Variants in MORN1 observed in about 807,000 individuals in gnomAD.
The protein encoded by MORN1 is MORN repeat containing 1, also known as MORN repeat-containing protein 1.
MORN1 carries 67 observed loss-of-function variants against 61.9 expected under a neutral mutation model. The observed-to-expected ratio is 1.08, with a 90% CI of 0.89 to 1.33. The LOEUF (loss-of-function observed/expected upper bound fraction) is 1.33, where lower values mean the gene tolerates loss of function less well. Among genes scored for constraint, MORN1 ranks in the 40% most tolerant of loss-of-function variants. The pLI is 0.00. For synonymous variants in MORN1, 301 were observed against 292.0 expected (o/e 1.03, Z -0.31); for missense variants, 752 against 691.2 (o/e 1.09, Z -0.99).
At chr1:2,359,882 CAA>C (rs59233224) in intron 8 of MORN1, among the ~76,000 whole-genome samples, 2 of 136,468 alleles carry the variant, frequency 1.5e-5, no homozygotes, top group Non-Finnish European at 1.6e-5. Context: ...GACTCCGTCT[CAA>C]AAAAAAAAAA....
rs1339354919 is a variant in MORN1, at chr1:2,391,458, CGTTCCGGGGCGGCCGCCTAGGCGG to C, written c.52_75del (p.Pro18_Asn25del). 2.7e-5 allele frequency: 34 copies of C among 1,255,456 alleles called. No individual in the cohort carries two copies. The highest frequency in any genetic ancestry group is 4.2e-5 in the Admixed American group (1 of 23,778). 77.8% of individuals were successfully genotyped at this position (1,255,456 alleles called of 1,614,324 possible). On this transcript the variant is annotated inframe_deletion and splice_region_variant, in exon 1 of 14. Transcript: ENST00000378531. ...CTGTCCCGTGGCCCGCAGTCGTTACCGTTCCGGGGCGGCCGCCTAGGCGGGTCCCGACGCGGCCCGCGGGAGCTC... is the reference window on the plus strand; with the variant it reads ...CTGTCCCGTGGCCCGCAGTCGTTACCGTCCCGACGCGGCCCGCGGGAGCTC...
intron 6 of MORN1, chr1:2,375,821 T>A (rs113996198): frequency 0.018 from 2,680 of 152,444 alleles, 25 homozygotes; most frequent in African/African-American, 0.025. Context: ...GACCCCAAGA[T>A]CCCAGCCAGC....
intron 6 of MORN1, among the ~76,000 whole-genome samples, chr1:2,382,027 A>G (rs896865599): frequency 1.3e-5 from 2 of 152,144 alleles, no homozygotes; most frequent in East Asian, 3.9e-4. Context: ...ACCAGCAAGC[A>G]GTGTGGACCC....
intron 1 of MORN1, 118 bp downstream of exon 1, chr1:2,391,339 GC>G: frequency 8.6e-7 from 1 of 1,156,972 alleles, no homozygotes; most frequent in African/African-American, 1.6e-5. Context: ...TGGCTCCGCC[GC>G]GGCACCTGGA....
chr1:2,341,692 GAAAAAAAA>G (rs68071614), intron 10 of MORN1, among the ~76,000 whole-genome samples: 1 of 133,782 alleles, frequency 7.5e-6, no homozygotes, highest in Admixed American at 7.7e-5. Context: ...TCCGTCTCAA[GAAAAAAAA>G]AAAAAAAAAA....
At chr1:2,349,036 T>C (rs1641592934) in intron 10 of MORN1, among the ~76,000 whole-genome samples, 1 of 152,092 alleles carries the variant, frequency 6.6e-6, no homozygotes, top group Admixed American at 6.5e-5. Flanking sequence ...GGACACCCCA[T>C]GGATGCTGCC....
rs546935040 is a variant in MORN1, at chr1:2,356,155, G to A, written c.1036+1277C>T. On this transcript the variant is annotated intron_variant, in intron 10 of 13. Transcript: ENST00000378531. ...TTGGCACTTGGGGAGGCGGCGCGAC[G>A]GCCGCCTGGTGGTGCCATCTGTGCA... is the stretch of plus-strand genomic sequence containing the variant. Among the ~76,000 whole-genome samples the A allele has an allele frequency of 2.0e-4, 30 of 152,270 alleles. 1 individual carries two copies. The South Asian group carries it at 5.6e-3, about 28-fold the overall frequency.
In MORN1 at chr1:2,372,644, A is replaced by T; in HGVS notation, c.635-53T>A. The T allele has an allele frequency of 2.1e-6, 3 of 1,438,942 alleles. No individual in the cohort carries two copies. Among genetic ancestry groups the T allele is most frequent in the Non-Finnish European group, 2.9e-6 (3 of 1,042,416 alleles). The allele number at this position is 1,438,942 out of a possible 1,614,324, so 89.1% of individuals were successfully genotyped here. On this transcript the variant is annotated intron_variant, in intron 7 of 13. Coordinates refer to ENST00000378531, the MANE Select transcript of MORN1 (RefSeq NM_024848.3). The surrounding 1 kb of genome is among the most constrained non-coding windows in gnomAD (Gnocchi z 5.4). ...CGGTGACTGGCATGGTCCCCCACCCACCCCATGGCTGAGTCAGCAGTGGGC... is the reference window on the plus strand; with the variant it reads ...CGGTGACTGGCATGGTCCCCCACCCTCCCCATGGCTGAGTCAGCAGTGGGC...
At chr1:2,373,885 C>A (rs1232319019) in intron 7 of MORN1, among the ~76,000 whole-genome samples, 1 of 152,240 alleles carries the variant, frequency 6.6e-6, no homozygotes, top group Non-Finnish European at 1.5e-5. Flanking sequence ...GTGGGGCTGC[C>A]TGGGCTGAGA....
At chr1:2,355,977 C>T (rs767843255) in intron 10 of MORN1, among the ~76,000 whole-genome samples, 5 of 152,192 alleles carry the variant, frequency 3.3e-5, no homozygotes, top group Non-Finnish European at 5.9e-5. Context: ...CAAGGCTCAC[C>T]GGACTCCGGC....
chr1:2,354,662 G>A (rs1191129297), intron 10 of MORN1, among the ~76,000 whole-genome samples: 1 of 152,208 alleles, frequency 6.6e-6, no homozygotes, highest in Admixed American at 6.5e-5. Flanking sequence ...CTCCTCCGGG[G>A]CGCCCCCTGC....
rs546497778 is a variant in MORN1, at chr1:2,357,218, G to A, written c.1036+214C>T. 3.3e-5 allele frequency among the ~76,000 whole-genome samples: 5 copies of A among 152,290 alleles called. No homozygotes were observed. Among genetic ancestry groups the A allele is most frequent in the African/African-American group, 7.2e-5 (3 of 41,544 alleles). ...AGCCCCTGCCAGGCTCACGGCAGAC[G>A]AACAATCGGCTTGAGCCTCCGCAGC... On this transcript the variant is annotated intron_variant, in intron 10 of 13. Coordinates refer to ENST00000378531, the MANE Select transcript of MORN1 (RefSeq NM_024848.3). The surrounding 1 kb of genome is among the most constrained non-coding windows in gnomAD (Gnocchi z 6.3).
intron 12 of MORN1, among the ~76,000 whole-genome samples, chr1:2,330,953 G>C (rs539127548): frequency 1.3e-5 from 2 of 152,342 alleles, no homozygotes; most frequent in South Asian, 4.1e-4. Flanking sequence ...TTTCAGAACC[G>C]ACAGGGCTTT....
In MORN1 at chr1:2,336,766, G is replaced by T; in HGVS notation, c.1121C>A (p.Pro374Gln). The T allele has an allele frequency of 6.2e-7, 1 of 1,603,498 alleles. No individual in the cohort carries two copies. Among genetic ancestry groups the T allele is most frequent in the Admixed American group, 1.7e-5 (1 of 58,690 alleles). ...GAAGGGGTGGTACCCAGGCGGGGGCGGCCCCAGGAGGACATCTGTGAACTC... is the reference window on the plus strand; with the variant it reads ...GAAGGGGTGGTACCCAGGCGGGGGCTGCCCCAGGAGGACATCTGTGAACTC... ...CAEFTDVLLG[P>Q]PPPGYHPFLF... The change falls in exon 11 of 14, where the codon CCG becomes CAG. Residue 374 changes from proline (P) to glutamine (Q), a missense_variant. Physicochemically the swap from Pro to Gln is moderately conservative, Grantham distance 76. Transcript: ENST00000378531.
rs372603159 is a variant in MORN1, at chr1:2,324,135, C to T, written c.1259G>A (p.Gly420Glu). The T allele has an allele frequency of 1.3e-4, 214 of 1,599,908 alleles. No individual in the cohort carries two copies. Among genetic ancestry groups the T allele is most frequent in the Non-Finnish European group, 1.7e-4 (202 of 1,174,610 alleles). Residue 420 changes from glycine (G) to glutamate (E), a missense_variant, in exon 13 of 14, where the codon GGG becomes GAG. Physicochemically the swap from Gly to Glu is moderately conservative, Grantham distance 98. Transcript: ENST00000378531. The stretch of plus-strand genomic sequence containing the variant: ...CGCAGCCTGCTCCTCCGTGGCTCTC[C>T]CCTCAGGCCTGTGGAGACGACACAG... ...QEPPGGSRPE[G>E]RATEEQAAAA... is the part of the protein sequence containing the mutation.
intron 12 of MORN1, among the ~76,000 whole-genome samples, chr1:2,335,726 A>G (rs941491187): frequency 1.3e-5 from 2 of 151,706 alleles, no homozygotes; most frequent in African/African-American, 2.4e-5. Flanking sequence ...GGTGCTGGTC[A>G]CTCTGCGAGC....
At chr1:2,381,340 G>A (rs1409002753) in intron 6 of MORN1, among the ~76,000 whole-genome samples, 2 of 152,354 alleles carry the variant, frequency 1.3e-5, no homozygotes, top group East Asian at 1.9e-4. Context: ...AGGCGCTGGA[G>A]GAGCAGGCAG....
chr1:2,340,764 G>A (rs35355649), intron 10 of MORN1, among the ~76,000 whole-genome samples: 7 of 152,008 alleles, frequency 4.6e-5, no homozygotes, highest in South Asian at 4.2e-4. Context: ...AGGCCACGGC[G>A]AGGGCCGCCA....
chr1:2,350,713 C>T (rs548550535), intron 10 of MORN1: 14 of 152,418 alleles, frequency 9.2e-5, no homozygotes, highest in African/African-American at 3.4e-4. Context: ...AGGAGGTGCC[C>T]TCCAGGGCCT....
Sources: gnomAD v4.1 joint callset for allele counts (sites outside exome capture counted in the v4.1 genomes callset) on GRCh38, gnomAD v4.1.1 for gene constraint, Gnocchi (gnomAD v3.1) non-coding constraint, MANE v1.5 for transcripts, NCBI Gene and HGNC (gene_info 2026-07-23, HGNC 2026-07-21) for gene names.